Variants in ZNF37A observed in about 807,000 individuals in gnomAD.
The protein encoded by ZNF37A is zinc finger protein 37A, also known as zinc finger protein 37a (KOX 21).
A neutral mutation model predicts 12.3 loss-of-function variants in ZNF37A; 10 were observed. That is an observed-to-expected ratio of 0.82 (90% CI 0.50 to 1.38). The LOEUF is 1.38. ZNF37A is among the 40% of genes most tolerant of loss of function. The pLI, the probability that ZNF37A is intolerant of heterozygous loss-of-function variation, is 0.00. For synonymous variants in ZNF37A, 207 were observed against 223.0 expected, an observed-to-expected ratio of 0.93 and a Z score of 0.64; for missense variants, 580 against 651.2, an observed-to-expected ratio of 0.89 and a Z score of 1.19.
At chr10:38,113,243 C>T (rs1364979944) in intron 5 of ZNF37A, among the ~76,000 whole-genome samples, 1 of 113,448 alleles carries the variant, frequency 8.8e-6, no homozygotes, top group Non-Finnish European at 1.7e-5. Flanking sequence ...GATGGAGTCT[C>T]ACTCTGTCAC....
At chr10:38,136,529 C>G (rs1168265323) in intron 7 of ZNF37A, among the ~76,000 whole-genome samples, 2 of 152,202 alleles carry the variant, frequency 1.3e-5, no homozygotes, top group African/African-American at 4.8e-5. Context: ...CTGATAATAT[C>G]ACTGATGGTT....
intron 5 of ZNF37A, among the ~76,000 whole-genome samples, chr10:38,112,470 T>TA (rs1231841002): frequency 6.6e-6 from 1 of 151,794 alleles, no homozygotes; most frequent in Non-Finnish European, 1.5e-5. Flanking sequence ...TTGCAAAAAT[T>TA]AAAAAAAATT....
chr10:38,101,252 T>C (rs987071286), intron 5 of ZNF37A, among the ~76,000 whole-genome samples: 16 of 152,312 alleles, frequency 1.1e-4, no homozygotes, highest in African/African-American at 3.8e-4. Context: ...CATTGCCACA[T>C]ATAATGTCAA....
At chr10:38,124,770 A>G (rs1299251254), downstream of ZNF37A, 1 of 152,218 alleles carries the variant, frequency 6.6e-6, no homozygotes, top group East Asian at 1.9e-4. Context: ...CAAGAAAACT[A>G]TTTTCGAGAT....
At chr10:38,131,376 G>A (rs757276745) in intron 7 of ZNF37A, among the ~76,000 whole-genome samples, 9 of 152,106 alleles carry the variant, frequency 5.9e-5, no homozygotes, top group Non-Finnish European at 1.3e-4. Flanking sequence ...TTTTGCATGT[G>A]TTGTAAGGGT....
At chr10:38,138,670 C>G (rs1384524345) in intron 7 of ZNF37A, 1 of 152,192 alleles carries the variant, frequency 6.6e-6, no homozygotes, top group Non-Finnish European at 1.5e-5. Flanking sequence ...ATTAGCAGCA[C>G]ATGCTCACCA....
exon 8 of ZNF37A, chr10:38,148,636 G>A (rs1294224223): frequency 6.6e-6 from 1 of 152,204 alleles, no homozygotes; most frequent in Non-Finnish European, 1.5e-5. Context: ...GAGGCTCATG[G>A]CCCCATCCAG....
rs1220267251 is a variant in ZNF37A at position 38,124,015 on chromosome 10, G to A, written c.*5178G>A. 1 of 152,166 alleles carries A rather than the reference G, an allele frequency of 6.6e-6. No homozygotes were observed. Among genetic ancestry groups the A allele is most frequent in the East Asian group, 1.9e-4 (1 of 5,186 alleles). 9.4% of individuals were successfully genotyped at this position (152,166 alleles called of 1,614,324 possible). ...CCCAAAGACAGGAAATCAGTATATT[G>A]AAGATATATCTGCACCGTGTTTACT... On this transcript the variant is annotated 3_prime_UTR_variant, in exon 8 of 8. Coordinates refer to ENST00000685332, the MANE Select transcript of ZNF37A (RefSeq NM_001324250.3).
intron 7 of ZNF37A, chr10:38,138,136 G>C (rs749482269): frequency 1.3e-5 from 2 of 152,178 alleles, no homozygotes; most frequent in Non-Finnish European, 2.9e-5. Flanking sequence ...GTCCCACTTT[G>C]CAGAGTGACT....
intron 7 of ZNF37A, chr10:38,143,554 A>G (rs1432546696): frequency 1.3e-5 from 2 of 152,176 alleles, no homozygotes; most frequent in Non-Finnish European, 2.9e-5. Flanking sequence ...TGTGAAGTCT[A>G]TGAAAAGAAA....
In ZNF37A at chr10:38,123,316, AAAGTT is replaced by A. The variant is rs1198189347; in HGVS notation, c.*4482_*4486del. The A allele has an allele frequency of 4.8e-5, 7 of 145,928 alleles. No homozygotes were observed. In the Admixed American group the frequency reaches 5.4e-4, roughly 11 times the overall value. The allele number at this position is 145,928 out of a possible 1,614,324, so 9.0% of individuals were successfully genotyped here. On this transcript the variant is annotated 3_prime_UTR_variant, in exon 8 of 8. Transcript: ENST00000685332. ...TTTGTACCCACAAAAATTTAAAAATAAAGTTAATTTCAATGTTTAAAGACTTGTTA... is the reference window on the plus strand; with the variant it reads ...TTTGTACCCACAAAAATTTAAAAATAAATTTCAATGTTTAAAGACTTGTTA...
At chr10:38,102,468 T>C (rs2067674829) in intron 5 of ZNF37A, among the ~76,000 whole-genome samples, 1 of 152,234 alleles carries the variant, frequency 6.6e-6, no homozygotes, top group Admixed American at 6.5e-5. Context: ...GTCCCTGTCT[T>C]TTGTCTTCTT....
chr10:38,113,768 G>A (rs2069021789), intron 5 of ZNF37A, among the ~76,000 whole-genome samples: 1 of 152,162 alleles, frequency 6.6e-6, no homozygotes, highest in South Asian at 2.1e-4. Flanking sequence ...TGGTGGCATT[G>A]CTTCCTCAGT....
chr10:38,101,701 G>A (rs1478043482), intron 5 of ZNF37A, among the ~76,000 whole-genome samples: 1 of 150,550 alleles, frequency 6.6e-6, no homozygotes, highest in East Asian at 1.9e-4. Context: ...ATCCTCTTCT[G>A]TCATTTCAAT....
chr10:38,097,174 A>G (rs34759610), intron 5 of ZNF37A, among the ~76,000 whole-genome samples: 4,388 of 152,346 alleles, frequency 0.029, 123 homozygotes, highest in African/African-American at 0.077. Flanking sequence ...GACACTGTGA[A>G]ACTTCTGATG....
chr10:38,129,294 A>G (rs2069976754), downstream of ZNF37A, among the ~76,000 whole-genome samples: 1 of 148,028 alleles, frequency 6.8e-6, no homozygotes, highest in Non-Finnish European at 1.5e-5. Flanking sequence ...TGACAGAGCA[A>G]GACTCTGTCT....
chr10:38,112,737 T>TGGTCTTGGTCTCGG (rs1564931757), intron 5 of ZNF37A, among the ~76,000 whole-genome samples: 2 of 72,004 alleles, frequency 2.8e-5, no homozygotes, highest in Non-Finnish European at 2.9e-5. Flanking sequence ...TCCATTTTCT[T>TGGTCTTGGTCTCGG]TTCTTTTCTT....
At chr10:38,116,465 G>A (rs1203617539) in intron 7 of ZNF37A, among the ~76,000 whole-genome samples, 3 of 151,606 alleles carry the variant, frequency 2.0e-5, no homozygotes, top group African/African-American at 7.2e-5. Context: ...AACTGACAAT[G>A]GAAAAACAAT....
intron 7 of ZNF37A, among the ~76,000 whole-genome samples, chr10:38,134,462 AT>A (rs2070077541): frequency 6.6e-6 from 1 of 152,072 alleles, no homozygotes; most frequent in African/African-American, 2.4e-5. Context: ...TGACATACAG[AT>A]GGCGTTTTGG....
Sources: allele counts gnomAD v4.1 joint callset (sites outside exome capture counted in the v4.1 genomes callset), GRCh38; gene constraint gnomAD v4.1.1; transcripts MANE v1.5; gene names NCBI Gene and HGNC (gene_info 2026-07-23, HGNC 2026-07-21).